The following FRMD4B variants were observed in gnomAD, a reference collection of about 807,000 sequenced individuals.
The protein encoded by FRMD4B is FERM domain containing 4B.
In FRMD4B, 74 loss-of-function variants were observed where a neutral mutation model predicts 141.5. The ratio of observed to expected loss-of-function variants is 0.52; its 90% confidence interval spans 0.43 to 0.63. FRMD4B has a LOEUF of 0.63. Among genes scored for constraint, FRMD4B ranks in the 30% least tolerant of loss-of-function variants. FRMD4B has a pLI of 0.00. For synonymous variants in FRMD4B, 506 were observed against 467.9 expected (o/e 1.08, Z -1.05); for missense variants, 1,366 against 1,253.4 (o/e 1.09, Z -1.36).
intron 5 of FRMD4B, among the ~76,000 whole-genome samples, chr3:69,265,169 T>G (rs6785791): frequency 0.99 from 139,092 of 139,860 alleles, 69,162 homozygotes; most frequent in Non-Finnish European, 1. Flanking sequence ...GCAGGAGAAT[T>G]GCTTGAACCC....
At chr3:69,274,269 T>A (rs2093608063) in intron 5 of FRMD4B, among the ~76,000 whole-genome samples, 1 of 152,138 alleles carries the variant, frequency 6.6e-6, no homozygotes. Context: ...GCATATATAT[T>A]AACTCATCCA....
chr3:69,442,048 C>T (rs1007491827), intron 1 of FRMD4B, among the ~76,000 whole-genome samples: 2 of 151,830 alleles, frequency 1.3e-5, no homozygotes, highest in South Asian at 2.1e-4. Flanking sequence ...CTCCAGCTAT[C>T]TAATCTATCT....
chr3:69,248,168 C>T (rs1205115483), intron 7 of FRMD4B, among the ~76,000 whole-genome samples: 2 of 151,916 alleles, frequency 1.3e-5, no homozygotes, highest in Non-Finnish European at 1.5e-5. Context: ...AACTCCTGCC[C>T]CTTTCTTTCC....
intron 7 of FRMD4B, among the ~76,000 whole-genome samples, chr3:69,241,497 G>C (rs1304134237): frequency 1.3e-5 from 2 of 152,166 alleles, no homozygotes; most frequent in East Asian, 3.8e-4. Context: ...TTCATCAAAG[G>C]CCCGACCTGA....
At chr3:69,355,278 T>G (rs780733213) in intron 1 of FRMD4B, among the ~76,000 whole-genome samples, 21 of 152,296 alleles carry the variant, frequency 1.4e-4, no homozygotes, top group Non-Finnish European at 2.2e-4. Flanking sequence ...TAACAAGTGT[T>G]ATGAGCACTC....
chr3:69,387,567 T>TGGCACCAAAAGGAAAGGTAA (rs1267474045), upstream of FRMD4B, among the ~76,000 whole-genome samples: 8 of 152,320 alleles, frequency 5.3e-5, no homozygotes, highest in South Asian at 1.7e-3. Context: ...TGCTATTAAG[T>TGGCACCAAAAGGAAAGGTAA]GGCACCAAAA....
At chr3:69,246,702 A>T (rs991490784) in intron 7 of FRMD4B, among the ~76,000 whole-genome samples, 1 of 152,180 alleles carries the variant, frequency 6.6e-6, no homozygotes, top group Non-Finnish European at 1.5e-5. Flanking sequence ...GGATGTTGCC[A>T]GTCTGCGTGA....
intron 1 of FRMD4B, among the ~76,000 whole-genome samples, chr3:69,314,337 G>A (rs1352120200): frequency 6.7e-6 from 1 of 149,956 alleles, no homozygotes; most frequent in Non-Finnish European, 1.5e-5. Context: ...AGACCAGCCT[G>A]GACAACATAG....
At chr3:69,368,703 T>G (rs1703738790) in intron 1 of FRMD4B, among the ~76,000 whole-genome samples, 1 of 151,608 alleles carries the variant, frequency 6.6e-6, no homozygotes, top group South Asian at 2.1e-4. Context: ...CACATAACTC[T>G]CTGGAGTGCA....
upstream of FRMD4B, among the ~76,000 whole-genome samples, chr3:69,389,655 G>A (rs1421055415): frequency 6.6e-6 from 1 of 152,062 alleles, no homozygotes; most frequent in East Asian, 1.9e-4. Context: ...GAAGTTCGAA[G>A]GTCAAGACTG....
Position 69,175,072 on chromosome 3 carries a change from A to G in FRMD4B, c.2984+1452T>C, listed in dbSNP as rs371223935. On this transcript the variant is annotated intron_variant, in intron 22 of 22. Coordinates refer to ENST00000398540, the MANE Select transcript of FRMD4B (RefSeq NM_015123.3). The stretch of plus-strand genomic sequence containing the variant: ...GAAAAACTCCCACTGAATGCGGAGG[A>G]AAAAAAAAGGCATTTGGGGCTGAAT... Among the ~76,000 whole-genome samples the G allele has an allele frequency of 4.0e-4, 60 of 151,512 alleles. No homozygotes were observed. In the East Asian group the frequency reaches 8.1e-3, roughly 21 times the overall value.
intron 1 of FRMD4B, among the ~76,000 whole-genome samples, chr3:69,523,920 A>G (rs1042170458): frequency 5.3e-5 from 8 of 152,234 alleles, no homozygotes. Flanking sequence ...GTGAGGGATC[A>G]GAAGGCACCA....
At chr3:69,281,799 G>T (rs1321068626) in intron 5 of FRMD4B, among the ~76,000 whole-genome samples, 1 of 144,842 alleles carries the variant, frequency 6.9e-6, no homozygotes, top group East Asian at 2.0e-4. Flanking sequence ...ACTCCAGCCT[G>T]GGTGACAGAG....
intron 1 of FRMD4B, among the ~76,000 whole-genome samples, chr3:69,466,013 T>A (rs991465472): frequency 6.6e-6 from 1 of 152,176 alleles, no homozygotes; most frequent in Non-Finnish European, 1.5e-5. Flanking sequence ...CCACCAACAG[T>A]GTAAAAGCCT....
chr3:69,301,633 A>G (rs1364354155), intron 4 of FRMD4B, among the ~76,000 whole-genome samples: 1 of 152,108 alleles, frequency 6.6e-6, no homozygotes, highest in Non-Finnish European at 1.5e-5. Context: ...CCTGGCCGGT[A>G]TTACATCTTA....
At chr3:69,430,315 C>A (rs1575800098) in intron 2 of FRMD4B, among the ~76,000 whole-genome samples, 1 of 152,244 alleles carries the variant, frequency 6.6e-6, no homozygotes, top group East Asian at 1.9e-4. Context: ...CCACAAGAGG[C>A]CCTTTCAGAC....
chr3:69,291,726 G>C (rs1285379676), intron 4 of FRMD4B, among the ~76,000 whole-genome samples: 1 of 152,042 alleles, frequency 6.6e-6, no homozygotes, highest in East Asian at 1.9e-4. Flanking sequence ...TTGTCCCTTG[G>C]TTTCTGCTCC....
intron 7 of FRMD4B, among the ~76,000 whole-genome samples, chr3:69,233,279 C>T (rs1349966413): frequency 6.6e-6 from 1 of 151,838 alleles, no homozygotes. Context: ...CCCAGGAGTT[C>T]GAGACCAGCC....
chr3:69,179,647 A>G (rs1402673494), intron 21 of FRMD4B, among the ~76,000 whole-genome samples: 1 of 152,186 alleles, frequency 6.6e-6, no homozygotes, highest in East Asian at 1.9e-4. Flanking sequence ...TCACTTGACT[A>G]TTATACAATG....
Sources: allele counts gnomAD v4.1 joint callset (sites outside exome capture counted in the v4.1 genomes callset), GRCh38; gene constraint gnomAD v4.1.1; transcripts MANE v1.5; gene names NCBI Gene and HGNC (gene_info 2026-07-23, HGNC 2026-07-21).